The following NRXN3 variants were observed in gnomAD, a reference collection of about 807,000 sequenced individuals.
NRXN3 encodes neurexin III.
A neutral mutation model predicts 137.6 loss-of-function variants in NRXN3; 32 were observed. The observed-to-expected ratio is 0.23, with a 90% CI of 0.18 to 0.31. The LOEUF (loss-of-function observed/expected upper bound fraction) is 0.31. NRXN3 is among the 10% of genes least tolerant of loss of function. The pLI is 1.00. For synonymous variants in NRXN3, 798 were observed against 784.5 expected (o/e 1.02, Z -0.29); for missense variants, 1,574 against 2,062.5 (o/e 0.76, Z 4.59).
chr14:79,483,571 T>A (rs1032752188), intron 16 of NRXN3, among the ~76,000 whole-genome samples: 1 of 152,226 alleles, frequency 6.6e-6, no homozygotes, highest in South Asian at 2.1e-4. Context: ...CTTTGAGGCA[T>A]GCAGTCTGAG....
intron 19 of NRXN3, among the ~76,000 whole-genome samples, chr14:79,763,969 T>G (rs1303078726): frequency 6.6e-6 from 1 of 152,226 alleles, no homozygotes; most frequent in Non-Finnish European, 1.5e-5. Context: ...TTTATTTAAC[T>G]TTTATTGTGC....
At chr14:78,684,505 G>A (rs1488480479) in intron 6 of NRXN3, among the ~76,000 whole-genome samples, 1 of 152,180 alleles carries the variant, frequency 6.6e-6, no homozygotes, top group East Asian at 1.9e-4. Flanking sequence ...GGGTTATGTG[G>A]TAAATAGAAA....
intron 1 of NRXN3, among the ~76,000 whole-genome samples, chr14:78,192,284 G>T (rs1047540075): frequency 1.3e-5 from 2 of 152,132 alleles, no homozygotes; most frequent in African/African-American, 4.8e-5. Context: ...TGGTGTCATT[G>T]TCACTCCTGA....
chr14:79,053,304 G>A (rs1216671105), intron 15 of NRXN3, among the ~76,000 whole-genome samples: 1 of 152,142 alleles, frequency 6.6e-6, no homozygotes, highest in Non-Finnish European at 1.5e-5. Flanking sequence ...TAAGGCATAA[G>A]CTATTATCTG....
intron 4 of NRXN3, among the ~76,000 whole-genome samples, chr14:78,388,158 T>C (rs2090247173): frequency 6.6e-6 from 1 of 152,134 alleles, no homozygotes; most frequent in Non-Finnish European, 1.5e-5. Context: ...ATTTCACAGG[T>C]CAAAAACCTG....
At chr14:79,246,448 T>G (rs904108185) in intron 15 of NRXN3, among the ~76,000 whole-genome samples, 5 of 152,192 alleles carry the variant, frequency 3.3e-5, no homozygotes, top group African/African-American at 1.2e-4. Flanking sequence ...GCTTACATTC[T>G]GTATGCCTGG....
At chr14:79,774,752 C>T (rs61992372) in intron 19 of NRXN3, among the ~76,000 whole-genome samples, 1 of 152,134 alleles carries the variant, frequency 6.6e-6, no homozygotes, top group Non-Finnish European at 1.5e-5. Context: ...TATTTATCAA[C>T]TGCATTCAGG....
chr14:79,050,231 C>T (rs114972286), intron 15 of NRXN3, among the ~76,000 whole-genome samples: 10 of 152,242 alleles, frequency 6.6e-5, no homozygotes, highest in South Asian at 2.1e-4. Context: ...CTTTATACTG[C>T]GGTTGGACTC....
intron 15 of NRXN3, among the ~76,000 whole-genome samples, chr14:79,368,976 A>T (rs1368179067): frequency 6.6e-6 from 1 of 152,248 alleles, no homozygotes; most frequent in Non-Finnish European, 1.5e-5. Context: ...TCACATTCAA[A>T]CTATCAGGTA....
intron 15 of NRXN3, among the ~76,000 whole-genome samples, chr14:79,258,396 G>T (rs967082498): frequency 6.6e-6 from 1 of 152,126 alleles, no homozygotes; most frequent in East Asian, 1.9e-4. Context: ...GTAGAGACCA[G>T]GTTTTACCAT....
chr14:79,703,975 G>A (rs116328602), intron 19 of NRXN3, among the ~76,000 whole-genome samples: 4 of 151,992 alleles, frequency 2.6e-5, no homozygotes, highest in Non-Finnish European at 5.9e-5. Flanking sequence ...ATAAGCCCAG[G>A]AACAATTTTG....
intron 20 of NRXN3, among the ~76,000 whole-genome samples, chr14:79,853,197 A>T (rs1020123532): frequency 6.6e-6 from 1 of 152,104 alleles, no homozygotes; most frequent in African/African-American, 2.4e-5. Context: ...ACCTCTGTAG[A>T]TTTCTGAACC....
At chr14:78,618,018 TATCA>T (rs1165931152) in intron 4 of NRXN3, among the ~76,000 whole-genome samples, 1 of 151,912 alleles carries the variant, frequency 6.6e-6, no homozygotes, top group African/African-American at 2.4e-5. Flanking sequence ...TCTATCTATT[TATCA>T]ATCAATCATT....
At chr14:78,862,566 T>G (rs1171012731) in intron 10 of NRXN3, among the ~76,000 whole-genome samples, 1 of 152,140 alleles carries the variant, frequency 6.6e-6, no homozygotes, top group Admixed American at 6.6e-5. Context: ...AATCTCTAAT[T>G]CGTATTTATA....
chr14:79,317,187 G>A (rs957169262), intron 15 of NRXN3, among the ~76,000 whole-genome samples: 3 of 152,018 alleles, frequency 2.0e-5, no homozygotes, highest in East Asian at 1.9e-4. Context: ...AGCTGAGATC[G>A]TGCCACTGCA....
intron 8 of NRXN3, among the ~76,000 whole-genome samples, chr14:78,761,772 T>A (rs941512477): frequency 6.6e-5 from 10 of 152,168 alleles, no homozygotes; most frequent in African/African-American, 2.4e-4. Context: ...TTTTCATGAG[T>A]GCTTCTCTCA....
At chr14:78,997,903 C>G (rs2099533306) in intron 15 of NRXN3, among the ~76,000 whole-genome samples, 1 of 152,146 alleles carries the variant, frequency 6.6e-6, no homozygotes, top group Admixed American at 6.5e-5. Flanking sequence ...AATATGTGAT[C>G]TTTTAGGTCT....
intron 19 of NRXN3, among the ~76,000 whole-genome samples, chr14:79,733,049 T>C (rs1459137041): frequency 1.3e-5 from 2 of 150,884 alleles, no homozygotes; most frequent in Non-Finnish European, 2.9e-5. Context: ...TTGTCATAAA[T>C]CTACTACTGT....
chr14:79,683,851 G>A (rs1045148829), intron 17 of NRXN3, among the ~76,000 whole-genome samples: 2 of 152,126 alleles, frequency 1.3e-5, no homozygotes, highest in Admixed American at 6.6e-5. Context: ...TAGCTTGCTC[G>A]AAATGAGTGG....
Sources: allele counts gnomAD v4.1 joint callset (sites outside exome capture counted in the v4.1 genomes callset), GRCh38; gene constraint gnomAD v4.1.1; transcripts MANE v1.5; gene names NCBI Gene and HGNC (gene_info 2026-07-23, HGNC 2026-07-21).